Variants in TRMO observed in about 807,000 individuals in gnomAD.
TRMO encodes tRNA (adenine(37)-N6)-methyltransferase.
TRMO carries 30 observed loss-of-function variants against 37.2 expected under a neutral mutation model. The observed-to-expected ratio is 0.81, with a 90% confidence interval of 0.60 to 1.09. The LOEUF is 1.09. Among genes scored for constraint, TRMO ranks in the 50% least tolerant of loss-of-function variants. TRMO has a pLI of 0.00. For missense variants in TRMO, 552 were observed against 549.5 expected, an observed-to-expected ratio of 1.00 and a Z score of -0.05; for synonymous variants, 239 against 199.4, an observed-to-expected ratio of 1.20 and a Z score of -1.67.
downstream of TRMO, among the ~76,000 whole-genome samples, chr9:97,900,036 A>G (rs943146343): frequency 2.0e-5 from 3 of 152,204 alleles, no homozygotes; most frequent in African/African-American, 7.2e-5. Context: ...CAGCCTGGGC[A>G]ATAGAGCAAG....
At chr9:97,911,049 T>G in intron 3 of TRMO, 1 of 436,670 alleles carries the variant, frequency 2.3e-6, no homozygotes, top group Non-Finnish European at 4.6e-6. Context: ...GTTCCAGGGA[T>G]ATAGTAGTCC....
chr9:97,901,908 T>C (rs764520966), downstream of TRMO, among the ~76,000 whole-genome samples: 3 of 152,164 alleles, frequency 2.0e-5, no homozygotes, highest in Non-Finnish European at 4.4e-5. Context: ...CAAAGGACAC[T>C]TGAAGTTGTG....
At chr9:97,913,809 C>T (rs538034813) in intron 2 of TRMO, among the ~76,000 whole-genome samples, 1 of 152,306 alleles carries the variant, frequency 6.6e-6, no homozygotes, top group African/African-American at 2.4e-5. Flanking sequence ...ACTTGAGAGA[C>T]GTTTATCAAG....
At position 97,922,475 on chromosome 9, in the gene TRMO, A is replaced by G. The variant is rs3183927; in HGVS notation, c.19T>C (p.Ser7Pro). The G allele has an allele frequency of 0.34, 540,461 of 1,576,900 alleles. 95,748 individuals are homozygous for G. Among genetic ancestry groups the G allele is most frequent in the Non-Finnish European group, 0.36 (422,746 of 1,162,712 alleles). ...GGGGTCGCTGTAGGCCGAGGCCCCG[A>G]CTCCTCCAAGCCGCGCATGGCTACT... is the stretch of plus-strand genomic sequence containing the variant. MRGLEE[S>P]GPRPTATPCG... Residue 7 changes from serine to proline, a missense_variant, in exon 1 of 5, where the codon TCG becomes CCG. Coordinates refer to ENST00000375119, the MANE Select transcript of TRMO (RefSeq NM_016481.5).
intron 4 of TRMO, among the ~76,000 whole-genome samples, chr9:97,905,825 G>A (rs959157612): frequency 6.6e-6 from 1 of 152,126 alleles, no homozygotes; most frequent in South Asian, 2.1e-4. Context: ...AAGCAGGTTG[G>A]GTAAATAAAG....
At chr9:97,908,407 G>T (rs1049942773) in intron 4 of TRMO, among the ~76,000 whole-genome samples, 2 of 91,874 alleles carry the variant, frequency 2.2e-5, no homozygotes, top group African/African-American at 1.1e-4. Context: ...GCGAGACTCC[G>T]TCTCAAAAAA....
At chr9:97,915,398 G>T (rs1366019702) in intron 2 of TRMO, among the ~76,000 whole-genome samples, 1 of 152,194 alleles carries the variant, frequency 6.6e-6, no homozygotes, top group Non-Finnish European at 1.5e-5. Flanking sequence ...TGCTGCTATA[G>T]CACGAAAGCA....
chr9:97,906,598 T>G (rs1269810375), intron 4 of TRMO, among the ~76,000 whole-genome samples: 4 of 152,182 alleles, frequency 2.6e-5, no homozygotes, highest in African/African-American at 9.6e-5. Context: ...GTAGTTACAC[T>G]GCGTAATTTC....
chr9:97,900,038 T>C (rs1312107710), downstream of TRMO, among the ~76,000 whole-genome samples: 1 of 151,962 alleles, frequency 6.6e-6, no homozygotes, highest in Non-Finnish European at 1.5e-5. Flanking sequence ...GCCTGGGCAA[T>C]AGAGCAAGAC....
chr9:97,910,740 A>G, intron 3 of TRMO, 124 bp from the exon 4 acceptor site: 1 of 1,117,012 alleles, frequency 9.0e-7, no homozygotes, highest in Non-Finnish European at 1.3e-6. Context: ...TCTCTCACAC[A>G]GACCTAGTAC....
At chr9:97,915,936 G>A in intron 2 of TRMO, 1 of 343,526 alleles carries the variant, frequency 2.9e-6, no homozygotes. Context: ...AGCTACTCAG[G>A]AGGCTGAGGT....
At chr9:97,902,661 T>C (rs1334053181), downstream of TRMO, among the ~76,000 whole-genome samples, 1 of 152,182 alleles carries the variant, frequency 6.6e-6, no homozygotes, top group East Asian at 1.9e-4. Flanking sequence ...AACAATTTAA[T>C]AGTCCTCTTG....
chr9:97,908,400 A>T, intron 4 of TRMO, among the ~76,000 whole-genome samples: 1 of 133,118 alleles, frequency 7.5e-6, no homozygotes, highest in African/African-American at 3.0e-5. Context: ...CGACAGAGCG[A>T]GACTCCGTCT....
At position 97,910,475 on chromosome 9, in the gene TRMO, G is replaced by T. The variant is rs187040706; in HGVS notation, c.551C>A (p.Thr184Lys). 1 of 1,614,204 alleles carries T rather than the reference G, an allele frequency of 6.2e-7. No homozygotes were observed. The highest frequency in any genetic ancestry group is 8.5e-7 in the Non-Finnish European group (1 of 1,180,042). Residue 184 changes from threonine (T) to lysine (K), a missense_variant, in exon 4 of 5, where the codon ACA becomes AAA. Coordinates refer to ENST00000375119, the MANE Select transcript of TRMO (RefSeq NM_016481.5). ...GTCAGACTGGGACACAGTGTTTGGT[G>T]TATGTTGGTTATTCTGTAAATTAAA... ...ADFNLQNNQH[T>K]PNTVSQSDSK... is the part of the protein sequence containing the mutation.
At chr9:97,920,499 T>C (rs1826575760) in intron 1 of TRMO, among the ~76,000 whole-genome samples, 1 of 152,244 alleles carries the variant, frequency 6.6e-6, no homozygotes, top group Non-Finnish European at 1.5e-5. Context: ...GGATACTACC[T>C]ACTTTGGAAA....
intron 4 of TRMO, among the ~76,000 whole-genome samples, chr9:97,909,391 A>T (rs1564106489): frequency 6.6e-6 from 1 of 152,182 alleles, no homozygotes; most frequent in Non-Finnish European, 1.5e-5. Flanking sequence ...TAAAGTAAGC[A>T]GGCTCCATGT....
chr9:97,907,100 TA>T (rs149431073), intron 4 of TRMO, among the ~76,000 whole-genome samples: 2,174 of 152,312 alleles, frequency 0.014, 39 homozygotes, highest in African/African-American at 0.049. Flanking sequence ...AAGCTTTGTT[TA>T]AAAGTAAAGC....
In TRMO at chr9:97,904,595, C is replaced by G; in HGVS notation, c.*138G>C. ...TTAATGTATACGTTTTTCAAATAAA[C>G]ATTTTGAACAGCCCAAATCAATCAA... is the stretch of plus-strand genomic sequence containing the variant. On this transcript the variant is annotated 3_prime_UTR_variant, in exon 5 of 5. Transcript: ENST00000375119. The G allele has an allele frequency of 6.7e-7, 1 of 1,494,356 alleles. No individual in the cohort carries two copies. The highest frequency in any genetic ancestry group is 2.3e-5 in the East Asian group (1 of 43,774). 92.6% of individuals were successfully genotyped at this position (1,494,356 alleles called of 1,614,324 possible). A position where few individuals can be genotyped will look rare whatever the true frequency, so the allele number is the denominator to read the frequency against.
the TRMO span, among the ~76,000 whole-genome samples, chr9:97,897,167 T>C: frequency 6.6e-6 from 1 of 152,260 alleles, no homozygotes; most frequent in African/African-American, 2.4e-5. Context: ...AAATAAATCC[T>C]TTAAAAATAA....
Sources: allele counts gnomAD v4.1 joint callset (sites outside exome capture counted in the v4.1 genomes callset), GRCh38; gene constraint gnomAD v4.1.1; transcripts MANE v1.5; gene names NCBI Gene and HGNC (gene_info 2026-07-23, HGNC 2026-07-21).